Variants in VPS36 observed in about 807,000 individuals in gnomAD.
VPS36 encodes the protein vacuolar protein sorting 36 homolog, also known as vacuolar protein-sorting-associated protein 36.
In VPS36, 31 loss-of-function variants were observed where a neutral mutation model predicts 63.5. The ratio of observed to expected loss-of-function variants is 0.49; its 90% CI spans 0.37 to 0.66. The LOEUF is 0.66. Among genes scored for constraint, VPS36 ranks in the 30% least tolerant of loss-of-function variants. VPS36 has a pLI of 0.00. For missense variants in VPS36, 338 were observed against 463.7 expected (o/e 0.73, Z 2.49); for synonymous variants, 138 against 157.2 (o/e 0.88, Z 0.91).
chr13:52,424,728 G>A, intron 9 of VPS36, among the ~76,000 whole-genome samples: 1 of 152,248 alleles, frequency 6.6e-6, no homozygotes, highest in Admixed American at 6.5e-5. Context: ...GCTCACACCT[G>A]TAATCCCAGC....
In VPS36 at chr13:52,415,605, A is replaced by T. The variant is rs115336219; in HGVS notation, c.*225T>A. On this transcript the variant is annotated 3_prime_UTR_variant, in exon 14 of 14. Coordinates refer to ENST00000378060, the MANE Select transcript of VPS36 (RefSeq NM_016075.4). ...TTAAACTCTGAGGGTTCTGCACTAT[A>T]GCATGATTTTAAATTCATATTGGCA... 5.6e-3 allele frequency: 2,797 copies of T among 503,794 alleles called. 18 individuals are homozygous for T. Among genetic ancestry groups the T allele is most frequent in the Middle Eastern group, 0.018 (33 of 1,834 alleles). The allele number at this position is 503,794 out of a possible 1,614,324, so 31.2% of individuals were successfully genotyped here.
Position 52,425,986 on chromosome 13 carries a change from C to A in VPS36, c.720G>T (p.Gln240His). The change falls in exon 9 of 14, where the codon CAG (glutamine) becomes CAT (histidine). Residue 240 changes from glutamine to histidine, a missense_variant. Transcript: ENST00000378060. ...GTTGTTTGGCCAGCTGCATGTGGTA[C>A]TGTGTGCCTGAGCCGTAGGTTTCTC... is the stretch of plus-strand genomic sequence containing the variant. Reference protein sequence around the residue: ...VTRETYGSGTQYHMQLAKQLA... With the variant: ...VTRETYGSGTHYHMQLAKQLA... The A allele has an allele frequency of 1.2e-6, 2 of 1,614,144 alleles. No homozygotes were observed. The highest frequency in any genetic ancestry group is 1.6e-4 in the Middle Eastern group (1 of 6,062).
At chr13:52,433,529 G>A (rs972141498) in intron 6 of VPS36, 133 bp downstream of exon 6, 38 of 677,026 alleles carry the variant, frequency 5.6e-5, no homozygotes, top group Non-Finnish European at 8.2e-5. Flanking sequence ...ACCTGTTAAA[G>A]AGAATAGGAG....
At chr13:52,432,874 A>C (rs952008668) in intron 6 of VPS36, among the ~76,000 whole-genome samples, 1 of 152,258 alleles carries the variant, frequency 6.6e-6, no homozygotes, top group Admixed American at 6.5e-5. Context: ...CAAAATAAGT[A>C]TTTAAATAAC....
rs137981621 is a variant in VPS36, at chr13:52,422,337, A to G, written c.840+1237T>C. Among the ~76,000 whole-genome samples, 126 of 152,152 alleles carry G rather than the reference A, an allele frequency of 8.3e-4. 1 individual carries two copies. In the Middle Eastern group the frequency reaches 0.01, roughly 12 times the overall value. ...ATTGTATTCCATTTGTATGTATCTG[A>G]CATTTTCTTTATCCGTTCATCACTG... On this transcript the variant is annotated intron_variant, in intron 10 of 13. Transcript: ENST00000378060.
At chr13:52,429,950 C>T (rs1201098268) in intron 6 of VPS36, among the ~76,000 whole-genome samples, 1 of 152,024 alleles carries the variant, frequency 6.6e-6, no homozygotes, top group Non-Finnish European at 1.5e-5. Flanking sequence ...AGAACAGTGC[C>T]TAAAATGGGG....
intron 6 of VPS36, among the ~76,000 whole-genome samples, chr13:52,432,906 CTTGA>C (rs1958174754): frequency 1.3e-5 from 2 of 152,156 alleles, no homozygotes; most frequent in African/African-American, 4.8e-5. Context: ...TTAGACTTTA[CTTGA>C]TTGACATAAA....
chr13:52,434,744 G>T (rs758138329), intron 5 of VPS36, 49 bp downstream of exon 5: 3 of 1,496,826 alleles, frequency 2.0e-6, no homozygotes, highest in East Asian at 4.5e-5. Context: ...TAATGAAGAT[G>T]TAAGTACAGA....
intron 6 of VPS36, among the ~76,000 whole-genome samples, chr13:52,432,523 T>C (rs182463371): frequency 6.6e-6 from 1 of 152,326 alleles, no homozygotes; most frequent in East Asian, 1.9e-4. Context: ...CTTTAAAAAG[T>C]ATTCCAACTA....
intron 1 of VPS36, among the ~76,000 whole-genome samples, chr13:52,447,038 G>C (rs1258012046): frequency 4.0e-5 from 6 of 151,896 alleles, no homozygotes; most frequent in African/African-American, 1.5e-4. Flanking sequence ...ACCACGCCCA[G>C]CTAATTTTTT....
At chr13:52,426,092 G>C (rs1440226425) in intron 8 of VPS36, 26 bp from the exon 9 acceptor site, 1 of 1,607,644 alleles carries the variant, frequency 6.2e-7, no homozygotes, top group Non-Finnish European at 8.5e-7. Context: ...AGAAAATGCA[G>C]AATTAGTCTC....
intron 10 of VPS36, 21 bp from the exon 11 acceptor site, chr13:52,418,077 A>C (rs757279407): frequency 1.3e-6 from 2 of 1,599,988 alleles, no homozygotes; most frequent in South Asian, 2.2e-5. Context: ...AAAAAAATCC[A>C]GTAATGCTAT....
At chr13:52,437,796 C>T (rs898574507) in intron 3 of VPS36, among the ~76,000 whole-genome samples, 4 of 151,750 alleles carry the variant, frequency 2.6e-5, no homozygotes, top group South Asian at 4.2e-4. Context: ...TGGGCATGGT[C>T]GTGGGCGCCT....
chr13:52,434,992 G>A (rs1240712593), intron 4 of VPS36, 110 bp from the exon 5 acceptor site: 4 of 974,772 alleles, frequency 4.1e-6, no homozygotes, highest in Non-Finnish European at 5.8e-6. Flanking sequence ...TTTTTTTGAG[G>A]TGGAGTTTTG....
intron 1 of VPS36, chr13:52,450,205 T>G: frequency 9.5e-7 from 1 of 1,050,276 alleles, no homozygotes; most frequent in Non-Finnish European, 1.1e-6. Context: ...ACTGCAGCTG[T>G]GCGCTCCCGG....
chr13:52,434,668 T>C, intron 5 of VPS36, 125 bp downstream of exon 5: 2 of 975,874 alleles, frequency 2.0e-6, no homozygotes, highest in Non-Finnish European at 3.1e-6. Context: ...GAAAATAAAT[T>C]CTTTATAAGA....
chr13:52,424,953 A>G (rs1388295986), intron 9 of VPS36, among the ~76,000 whole-genome samples: 3 of 151,196 alleles, frequency 2.0e-5, no homozygotes, highest in Non-Finnish European at 4.4e-5. Flanking sequence ...GCGCCACTGC[A>G]CTCCAGACTG....
chr13:52,418,443 C>T (rs867130482), intron 10 of VPS36, among the ~76,000 whole-genome samples: 70 of 151,508 alleles, frequency 4.6e-4, no homozygotes, highest in African/African-American at 1.6e-3. Flanking sequence ...GGCGCGGTGG[C>T]GGGTGCCTGT....
chr13:52,416,126 A>G (rs1346361011), intron 12 of VPS36, 33 bp from the exon 13 acceptor site: 1 of 1,604,768 alleles, frequency 6.2e-7, no homozygotes. Context: ...AAAAAATGTA[A>G]TTAATTTAGG....
Sources: gnomAD v4.1 joint callset for allele counts (sites outside exome capture counted in the v4.1 genomes callset) on GRCh38, gnomAD v4.1.1 for gene constraint, MANE v1.5 for transcripts, NCBI Gene and HGNC (gene_info 2026-07-23, HGNC 2026-07-21) for gene names.